The following CDC14B variants were observed in gnomAD, a reference collection of about 807,000 sequenced individuals.
CDC14B encodes cell division cycle 14B.
CDC14B carries 22 observed loss-of-function variants against 64.2 expected under a neutral mutation model. The ratio of observed to expected loss-of-function variants is 0.34; its 90% CI spans 0.24 to 0.49. CDC14B has a LOEUF of 0.49. CDC14B is among the 20% of genes least tolerant of loss of function. The probability of loss-of-function intolerance (pLI) is 0.99; values close to 1 mark genes in which losing one functional copy is unlikely to be tolerated. For missense variants in CDC14B, 498 were observed against 629.9 expected (o/e 0.79, Z 2.24); for synonymous variants, 191 against 215.8 (o/e 0.89, Z 1.01).
chr9:96,601,123 A>G (rs1274426270), intron 1 of CDC14B, among the ~76,000 whole-genome samples: 2 of 152,172 alleles, frequency 1.3e-5, no homozygotes, highest in Non-Finnish European at 2.9e-5. Flanking sequence ...TATGCGACAT[A>G]GCAAGACTCC....
intron 4 of CDC14B, 103 bp from the exon 5 acceptor site, chr9:96,551,975 G>C (rs181432946): frequency 7.0e-7 from 1 of 1,422,082 alleles, no homozygotes; most frequent in Non-Finnish European, 9.3e-7. Flanking sequence ...ACTGAGCAGG[G>C]TTCTCCAGCC....
In CDC14B at chr9:96,508,756, G is replaced by A. The variant is rs1417221815; in HGVS notation, c.1460+917C>T. On this transcript the variant is annotated intron_variant, in intron 13 of 13. Coordinates refer to ENST00000375241, the MANE Select transcript of CDC14B (RefSeq NM_033331.4). ...CACACAGAACTCCCAGCTCTGCCAA[G>A]GTCTCTTGGGAGACTGGCTGCTTTG... Among the ~76,000 whole-genome samples the A allele has an allele frequency of 2.0e-5, 3 of 152,188 alleles. No individual in the cohort carries two copies. The East Asian group carries it at 5.8e-4, about 29-fold the overall frequency.
intron 1 of CDC14B, among the ~76,000 whole-genome samples, chr9:96,599,736 C>T (rs1451151671): frequency 1.3e-5 from 2 of 151,940 alleles, no homozygotes; most frequent in East Asian, 3.9e-4. Flanking sequence ...TGTAACTTTT[C>T]TTTTGTTTTC....
downstream of CDC14B, among the ~76,000 whole-genome samples, chr9:96,499,875 C>T (rs1253894888): frequency 2.0e-5 from 3 of 152,218 alleles, no homozygotes; most frequent in South Asian, 2.1e-4. Flanking sequence ...GCAGCGCCTC[C>T]AAGCCCAGGA....
At chr9:96,509,201 A>G (rs1834580372) in intron 13 of CDC14B, among the ~76,000 whole-genome samples, 2 of 152,252 alleles carry the variant, frequency 1.3e-5, no homozygotes, top group South Asian at 4.1e-4. Context: ...CACTGAAGAC[A>G]GTGACGACAG....
chr9:96,558,698 C>T (rs1158752945), intron 4 of CDC14B, among the ~76,000 whole-genome samples: 1 of 152,196 alleles, frequency 6.6e-6, no homozygotes, highest in Non-Finnish European at 1.5e-5. Flanking sequence ...AAATTTTCCA[C>T]TTAAAATTTC....
chr9:96,504,356 T>A (rs1833844354), intron 13 of CDC14B, among the ~76,000 whole-genome samples: 1 of 152,084 alleles, frequency 6.6e-6, no homozygotes, highest in South Asian at 2.1e-4. Flanking sequence ...CCTTCCCCAG[T>A]TCACGACGCT....
intron 5 of CDC14B, among the ~76,000 whole-genome samples, chr9:96,542,656 C>CT (rs112798812): frequency 3.4e-3 from 480 of 142,608 alleles, no homozygotes; most frequent in Middle Eastern, 7.4e-3. Context: ...ATCTAGCTAA[C>CT]TTTTTTTTTT....
intron 1 of CDC14B, among the ~76,000 whole-genome samples, chr9:96,584,454 C>T (rs1055497103): frequency 2.0e-5 from 3 of 152,244 alleles, no homozygotes; most frequent in Admixed American, 6.5e-5. Flanking sequence ...GAAAGTCAGA[C>T]TCCTGACCCA....
At chr9:96,578,607 T>G (rs1194506810) in intron 1 of CDC14B, among the ~76,000 whole-genome samples, 2 of 152,130 alleles carry the variant, frequency 1.3e-5, no homozygotes, top group African/African-American at 2.4e-5. Context: ...TTGAGGCACA[T>G]TCTACAAAAT....
chr9:96,495,705 G>A (rs10820727), downstream of CDC14B, among the ~76,000 whole-genome samples: 22,719 of 152,152 alleles, frequency 0.15, 1,905 homozygotes, highest in African/African-American at 0.21. Context: ...TGGGAACGCC[G>A]TGTGGCCTAT....
chr9:96,534,607 G>C, intron 7 of CDC14B, 65 bp from the exon 8 acceptor site: 4 of 1,067,438 alleles, frequency 3.7e-6, no homozygotes, highest in Non-Finnish European at 5.7e-6. Flanking sequence ...CTCTACTCAA[G>C]ACTGAGTCTC....
In CDC14B at chr9:96,501,390, T is replaced by TA. The variant is rs3839895; in HGVS notation, c.*2362dup. On this transcript the variant is annotated 3_prime_UTR_variant, in exon 14 of 14. Transcript: ENST00000375241. The stretch of plus-strand genomic sequence containing the variant: ...TGTTCCATAGCAACAAGGTCTTCTA[T>TA]AACAACGACTCTAAGTCAGAATTCC... 27,671 of 152,064 alleles carry TA rather than the reference T, an allele frequency of 0.18. 2,657 individuals are homozygous for TA. The highest frequency in any genetic ancestry group is 0.23 in the African/African-American group (9,721 of 41,470). The allele number at this position is 152,064 out of a possible 1,614,324, so 9.4% of individuals were successfully genotyped here.
intron 1 of CDC14B, among the ~76,000 whole-genome samples, chr9:96,608,131 G>A (rs972760500): frequency 2.0e-4 from 30 of 152,288 alleles, no homozygotes; most frequent in African/African-American, 6.5e-4. Context: ...ATTCCCAGAC[G>A]TCAGTGGTCC....
intron 1 of CDC14B, chr9:96,566,885 A>C (rs1053532466): frequency 1.3e-6 from 2 of 1,561,984 alleles, no homozygotes; most frequent in Non-Finnish European, 8.7e-7. Context: ...AGGCGCCGCG[A>C]CCACACCCCC....
chr9:96,583,505 TCCTG>T (rs1345893522), intron 1 of CDC14B, among the ~76,000 whole-genome samples: 1 of 151,100 alleles, frequency 6.6e-6, no homozygotes, highest in Non-Finnish European at 1.5e-5. Context: ...CAAGCGATTC[TCCTG>T]CCTCAGTCTC....
At chr9:96,576,163 C>T (rs1844789941) in intron 1 of CDC14B, among the ~76,000 whole-genome samples, 1 of 151,886 alleles carries the variant, frequency 6.6e-6, no homozygotes, top group African/African-American at 2.4e-5. Context: ...CCTGTAATCC[C>T]AGCTACTTGG....
chr9:96,520,266 G>C (rs1836481391), intron 12 of CDC14B, among the ~76,000 whole-genome samples: 1 of 152,166 alleles, frequency 6.6e-6, no homozygotes, highest in African/African-American at 2.4e-5. Context: ...TGTGTTATGT[G>C]GGGCTATTTA....
downstream of CDC14B, among the ~76,000 whole-genome samples, chr9:96,499,821 G>A (rs1833405613): frequency 6.6e-6 from 1 of 152,224 alleles, no homozygotes; most frequent in Admixed American, 6.5e-5. Context: ...GGGGAAGAGA[G>A]GCACCAGGGC....
Sources: gnomAD v4.1 joint callset for allele counts (sites outside exome capture counted in the v4.1 genomes callset) on GRCh38, gnomAD v4.1.1 for gene constraint, MANE v1.5 for transcripts, NCBI Gene and HGNC (gene_info 2026-07-23, HGNC 2026-07-21) for gene names.